Variants in PIN4 observed in about 807,000 individuals in gnomAD.
The protein encoded by PIN4 is peptidylprolyl cis/trans isomerase, NIMA-interacting 4.
PIN4 carries 3 observed loss-of-function variants against 8.3 expected under a neutral mutation model. The observed-to-expected ratio is 0.36, with a 90% CI of 0.16 to 0.93. PIN4 has a LOEUF of 0.93. PIN4 is among the 40% of genes least tolerant of loss of function. The pLI is 0.44. For missense variants in PIN4, 75 were observed against 100.6 expected (o/e 0.75, Z 1.09); for synonymous variants, 18 against 32.5 (o/e 0.55, Z 1.52).
chrX:72,224,892 A>G (rs1412595677), intron 3 of PIN4, among the ~76,000 whole-genome samples: 1 of 111,382 alleles, frequency 9.0e-6, no homozygotes, highest in African/African-American at 3.3e-5. Flanking sequence ...GTGGTCCCAC[A>G]ATATCACCTC....
At position 72,234,109 on chromosome X, in the gene PIN4, C is replaced by CA. The variant is rs1236426608; in HGVS notation, c.313-28586dup. 1.7e-3 allele frequency among the ~76,000 whole-genome samples: 156 copies of CA among 94,000 alleles called. 1 individual carries two copies. The highest frequency in any genetic ancestry group is 5.7e-3 in the Middle Eastern group (1 of 174). 81.6% of individuals were successfully genotyped at this position (94,000 alleles called of 115,157 possible). A position where few individuals can be genotyped will look rare whatever the true frequency, so the allele number is the denominator to read the frequency against. ...TGGGCAACAGAGCAAGACTCCGTCT[C>CA]AAAAAAAAAAAAGAATATGTTCTTT... is the stretch of plus-strand genomic sequence containing the variant. On this transcript the variant is annotated intron_variant, in intron 3 of 3. Coordinates refer to the PIN4 transcript ENST00000423432.
intron 3 of PIN4, among the ~76,000 whole-genome samples, chrX:72,223,132 C>T (rs61701607): frequency 1.0e-5 from 1 of 99,234 alleles, no homozygotes; most frequent in African/African-American, 3.6e-5. Context: ...GTCAAGAGAT[C>T]GAGACCACCC....
intron 3 of PIN4, among the ~76,000 whole-genome samples, chrX:72,212,111 C>T (rs926448079): frequency 9.1e-6 from 1 of 110,290 alleles, no homozygotes; most frequent in Admixed American, 9.6e-5. Flanking sequence ...CCCGTCTCTA[C>T]TAAAAATACA....
chrX:72,204,472 CAT>C (rs1457691830), intron 3 of PIN4, among the ~76,000 whole-genome samples: 1 of 111,904 alleles, frequency 8.9e-6, no homozygotes, highest in Non-Finnish European at 1.9e-5. Flanking sequence ...TTGACTGTGA[CAT>C]GTCACATGAC....
At chrX:72,230,297 C>G (rs1327498955) in intron 3 of PIN4, among the ~76,000 whole-genome samples, 1 of 111,127 alleles carries the variant, frequency 9.0e-6, no homozygotes, top group East Asian at 2.8e-4. Flanking sequence ...CAAGATAACC[C>G]CCCTCTGGCC....
intron 3 of PIN4, among the ~76,000 whole-genome samples, chrX:72,217,706 T>C (rs1230482606): frequency 1.8e-5 from 2 of 110,734 alleles, no homozygotes; most frequent in Admixed American, 9.6e-5. Flanking sequence ...ACATGAAAGC[T>C]TACTGAGCAG....
chrX:72,260,919 C>T (rs1032463586), intron 3 of PIN4, among the ~76,000 whole-genome samples: 7 of 112,069 alleles, frequency 6.2e-5, no homozygotes, highest in Non-Finnish European at 7.5e-5. Flanking sequence ...AAGTAAAAGG[C>T]AAAAGCCTTC....
At chrX:72,225,689 T>C (rs2042949864) in intron 3 of PIN4, among the ~76,000 whole-genome samples, 1 of 111,711 alleles carries the variant, frequency 9.0e-6, no homozygotes, top group African/African-American at 3.3e-5. Context: ...CAAAAGGCAA[T>C]CTTGACCAAC....
At chrX:72,194,264 G>A (rs1387570471) in intron 2 of PIN4, among the ~76,000 whole-genome samples, 1 of 111,318 alleles carries the variant, frequency 9.0e-6, no homozygotes, top group Non-Finnish European at 1.9e-5. Context: ...GCCGGGTATG[G>A]TGGCTCATGT....
At chrX:72,222,138 G>A (rs1366571077) in intron 3 of PIN4, among the ~76,000 whole-genome samples, 3 of 110,686 alleles carry the variant, frequency 2.7e-5, no homozygotes, top group Non-Finnish European at 3.8e-5. Context: ...CTCCCTCTCC[G>A]GGAAGTGGCT....
At chrX:72,249,717 A>G (rs899275417) in intron 3 of PIN4, among the ~76,000 whole-genome samples, 6 of 111,915 alleles carry the variant, frequency 5.4e-5, no homozygotes, top group African/African-American at 1.9e-4. Flanking sequence ...TTCAAGAACA[A>G]TCAAAATGAA....
intron 3 of PIN4, among the ~76,000 whole-genome samples, chrX:72,251,944 A>C (rs932494696): frequency 9.0e-6 from 1 of 111,078 alleles, no homozygotes; most frequent in East Asian, 2.8e-4. Flanking sequence ...AAAACCAAAA[A>C]ATTAAAAATA....
At chrX:72,243,171 C>T (rs1286391272) in intron 3 of PIN4, among the ~76,000 whole-genome samples, 14 of 109,491 alleles carry the variant, frequency 1.3e-4, no homozygotes, top group Non-Finnish European at 2.1e-4. Context: ...AAAAATTAGC[C>T]GGCCATGATG....
intron 3 of PIN4, among the ~76,000 whole-genome samples, chrX:72,235,004 G>T (rs1488043152): frequency 8.9e-6 from 1 of 112,241 alleles, no homozygotes; most frequent in Non-Finnish European, 1.9e-5. Context: ...CCAGTCACAT[G>T]ATTGTTTCTT....
intron 3 of PIN4, among the ~76,000 whole-genome samples, chrX:72,240,990 A>T (rs2043047064): frequency 9.0e-6 from 1 of 111,113 alleles, no homozygotes; most frequent in Non-Finnish European, 1.9e-5. Flanking sequence ...GAAGCAGCAG[A>T]GCCAGAATTC....
At chrX:72,221,485 C>T (rs758407609) in intron 3 of PIN4, among the ~76,000 whole-genome samples, 39 of 111,108 alleles carry the variant, frequency 3.5e-4, no homozygotes, top group African/African-American at 1.2e-3. Flanking sequence ...CAGACACCCT[C>T]GGCTTCTTCT....
At chrX:72,222,308 A>G (rs1220713287) in intron 3 of PIN4, among the ~76,000 whole-genome samples, 2 of 111,952 alleles carry the variant, frequency 1.8e-5, no homozygotes, top group East Asian at 5.6e-4. Context: ...TGATATTTAT[A>G]TAATTTTAAC....
In PIN4 at chrX:72,259,315, T is replaced by C. The variant is rs750110525; in HGVS notation, c.313-3392T>C. ...CTCACTGCAACCTCTGCCTCCCAGGTTCAAGTGATTCTCCTGCCTCAGCCT... is the reference window on the plus strand; with the variant it reads ...CTCACTGCAACCTCTGCCTCCCAGGCTCAAGTGATTCTCCTGCCTCAGCCT... On this transcript the variant is annotated intron_variant, in intron 3 of 3. Transcript: ENST00000423432. 8.4e-5 allele frequency among the ~76,000 whole-genome samples: 9 copies of C among 107,489 alleles called. No homozygotes were observed. In the East Asian group the frequency reaches 2.6e-3, roughly 31 times the overall value. The allele number at this position is 107,489 out of a possible 115,157, so 93.3% of individuals were successfully genotyped here. A position where few individuals can be genotyped will look rare whatever the true frequency, so the allele number is the denominator to read the frequency against.
At chrX:72,236,050 T>C (rs746907628) in intron 3 of PIN4, among the ~76,000 whole-genome samples, 65 of 112,400 alleles carry the variant, frequency 5.8e-4, no homozygotes, top group African/African-American at 2.0e-3. Context: ...CAATGAACTA[T>C]AGGTCCCAAC....
Sources: allele counts gnomAD v4.1 joint callset (sites outside exome capture counted in the v4.1 genomes callset), GRCh38; gene constraint gnomAD v4.1.1; transcripts MANE v1.5; gene names NCBI Gene and HGNC (gene_info 2026-07-23, HGNC 2026-07-21).